Variants in LRFN5 observed in about 807,000 individuals in gnomAD.
LRFN5 encodes the protein leucine-rich repeat and fibronectin type-III domain-containing protein 5.
In LRFN5, 24 loss-of-function variants were observed where a neutral mutation model predicts 45.6. The ratio of observed to expected loss-of-function variants is 0.53; its 90% CI spans 0.38 to 0.74. LRFN5 has a LOEUF of 0.74. Among genes scored for constraint, LRFN5 ranks in the 30% least tolerant of loss-of-function variants. The pLI, the probability that LRFN5 is intolerant of heterozygous loss-of-function variation, is 0.00. For synonymous variants in LRFN5, 340 were observed against 313.8 expected (o/e 1.08, Z -0.88); for missense variants, 776 against 861.5 (o/e 0.90, Z 1.24).
At chr14:41,890,366 C>A (rs1890733863) in intron 3 of LRFN5, among the ~76,000 whole-genome samples, 1 of 152,068 alleles carries the variant, frequency 6.6e-6, no homozygotes, top group South Asian at 2.1e-4. Flanking sequence ...AAACATAACG[C>A]AGTCCAAGTG....
At chr14:41,751,582 C>T (rs976509154) in intron 1 of LRFN5, among the ~76,000 whole-genome samples, 1 of 151,908 alleles carries the variant, frequency 6.6e-6, no homozygotes, top group Admixed American at 6.6e-5. Flanking sequence ...ATCTGTTTAT[C>T]TCATCTTTGG....
chr14:41,783,155 G>A (rs7154525), intron 2 of LRFN5, among the ~76,000 whole-genome samples: 6,271 of 151,954 alleles, frequency 0.041, 431 homozygotes, highest in African/African-American at 0.14. Context: ...TTCCCTGCCA[G>A]AAGCCTATGG....
intron 2 of LRFN5, among the ~76,000 whole-genome samples, chr14:41,876,926 G>T (rs1221606650): frequency 6.6e-6 from 1 of 152,072 alleles, no homozygotes; most frequent in African/African-American, 2.4e-5. Context: ...TAATTTAATT[G>T]TAAAGAGAGA....
At chr14:41,681,043 G>T (rs1881861374) in intron 1 of LRFN5, among the ~76,000 whole-genome samples, 1 of 151,900 alleles carries the variant, frequency 6.6e-6, no homozygotes, top group Admixed American at 6.6e-5. Flanking sequence ...TAGCGAGTTT[G>T]AATACAGGCT....
intron 1 of LRFN5, among the ~76,000 whole-genome samples, chr14:41,670,375 T>C (rs1881146426): frequency 6.8e-6 from 1 of 147,040 alleles, no homozygotes; most frequent in Admixed American, 6.8e-5. Context: ...CAATTAGTTA[T>C]ATGAGCATAG....
intron 2 of LRFN5, among the ~76,000 whole-genome samples, chr14:41,857,443 A>C (rs1035291625): frequency 1.4e-4 from 21 of 152,206 alleles, no homozygotes; most frequent in African/African-American, 4.8e-4. Flanking sequence ...CCCAGAATCT[A>C]TCTCCTCGTG....
At chr14:41,717,803 C>T (rs957160942) in intron 1 of LRFN5, among the ~76,000 whole-genome samples, 3 of 152,082 alleles carry the variant, frequency 2.0e-5, no homozygotes, top group Non-Finnish European at 4.4e-5. Flanking sequence ...ACAAATTTCC[C>T]CAAAAAGGGA....
intron 2 of LRFN5, among the ~76,000 whole-genome samples, chr14:41,810,085 T>C (rs1887685072): frequency 6.6e-6 from 1 of 152,032 alleles, no homozygotes; most frequent in African/African-American, 2.4e-5. Flanking sequence ...ATAATTAGTG[T>C]TTTTAAAGCT....
chr14:41,833,524 A>G lies in LRFN5; in HGVS notation c.-20-53082A>G, dbSNP rs537201095. Among the ~76,000 whole-genome samples the G allele has an allele frequency of 3.3e-5, 5 of 152,344 alleles. No homozygotes were observed. In the East Asian group the frequency reaches 7.7e-4, roughly 24 times the overall value. On this transcript the variant is annotated intron_variant, in intron 2 of 5. Transcript: ENST00000298119. Reference sequence around the variant, plus strand: ...TTTATCTCTTTCAAGGCAAAGTTACAACCAGGTACACTTCTCAAAGTCCTG... The same window carrying G: ...TTTATCTCTTTCAAGGCAAAGTTACGACCAGGTACACTTCTCAAAGTCCTG...
At chr14:41,741,991 G>A (rs1338639447) in intron 1 of LRFN5, among the ~76,000 whole-genome samples, 1 of 151,610 alleles carries the variant, frequency 6.6e-6, no homozygotes, top group African/African-American at 2.4e-5. Flanking sequence ...CATTAAAATG[G>A]CTATTACAAA....
chr14:41,904,208 A>T lies in LRFN5; in HGVS notation c.*33A>T, dbSNP rs1198987354. ...CACTTCTCCTCTCTCTCCTGAAAAA[A>T]TTTGCCACTGATATTTTTACTGGAT... is the stretch of plus-strand genomic sequence containing the variant. On this transcript the variant is annotated 3_prime_UTR_variant, in exon 6 of 6. Coordinates refer to ENST00000298119, the MANE Select transcript of LRFN5 (RefSeq NM_152447.5). 6.2e-7 allele frequency: 1 copy of T among 1,609,066 alleles called. No homozygotes were observed. Among genetic ancestry groups the T allele is most frequent in the Non-Finnish European group, 8.5e-7 (1 of 1,178,384 alleles).
chr14:41,815,729 G>A (rs1052717472), intron 2 of LRFN5, among the ~76,000 whole-genome samples: 1 of 152,048 alleles, frequency 6.6e-6, no homozygotes, highest in Non-Finnish European at 1.5e-5. Context: ...CTGGGTGACA[G>A]AGTGAGACCT....
chr14:41,742,837 A>T (rs1228784229), intron 1 of LRFN5: 1 of 159,852 alleles, frequency 6.3e-6, no homozygotes, highest in Non-Finnish European at 1.4e-5. Context: ...TACATAGCGC[A>T]GATGAGCTTG....
Position 41,890,676 on chromosome 14 carries a change from C to T in LRFN5, c.1386-574C>T, listed in dbSNP as rs182794504. ...GAGCCGAGATTGCGCCACTGCACTC[C>T]AGCCTGGGCGACAGAGCGAGACTCC... On this transcript the variant is annotated intron_variant, in intron 3 of 5. Coordinates refer to ENST00000298119, the MANE Select transcript of LRFN5 (RefSeq NM_152447.5). 9.6e-3 allele frequency among the ~76,000 whole-genome samples: 1,419 copies of T among 147,202 alleles called. 25 individuals are homozygous for T. The highest frequency in any genetic ancestry group is 0.034 in the African/African-American group (1,359 of 39,790).
chr14:41,794,504 T>C (rs547432904), intron 2 of LRFN5, among the ~76,000 whole-genome samples: 50 of 152,170 alleles, frequency 3.3e-4, no homozygotes, highest in African/African-American at 1.0e-3. Context: ...CTAAACTTCA[T>C]TGTAAGAGTT....
chr14:41,797,572 T>C (rs1887175817), intron 2 of LRFN5, among the ~76,000 whole-genome samples: 1 of 151,640 alleles, frequency 6.6e-6, no homozygotes, highest in African/African-American at 2.4e-5. Context: ...TAAATTAGTA[T>C]TTTTTCTCTG....
At chr14:41,799,877 G>A (rs1887264385) in intron 2 of LRFN5, among the ~76,000 whole-genome samples, 1 of 151,574 alleles carries the variant, frequency 6.6e-6, no homozygotes, top group Non-Finnish European at 1.5e-5. Context: ...TTTATAAATA[G>A]TGTAACTGCT....
chr14:41,790,577 G>GTTT (rs10711984), intron 2 of LRFN5, among the ~76,000 whole-genome samples: 1 of 143,032 alleles, frequency 7.0e-6, no homozygotes, highest in South Asian at 2.2e-4. Context: ...GGCTAATTTT[G>GTTT]TTTTTTTTTT....
chr14:41,674,447 G>A (rs1881474533), intron 1 of LRFN5, among the ~76,000 whole-genome samples: 1 of 138,478 alleles, frequency 7.2e-6, no homozygotes, highest in African/African-American at 2.7e-5. Flanking sequence ...TCCCAGTAGG[G>A]GCGGCCGGGC....
Sources: allele counts gnomAD v4.1 joint callset (sites outside exome capture counted in the v4.1 genomes callset), GRCh38; gene constraint gnomAD v4.1.1; transcripts MANE v1.5; gene names NCBI Gene and HGNC (gene_info 2026-07-23, HGNC 2026-07-21).